SAFB2: variants seen among roughly 807,000 people sequenced by gnomAD.
SAFB2 encodes scaffold attachment factor B2.
A neutral mutation model predicts 100.6 loss-of-function variants in SAFB2; 32 were observed. The ratio of observed to expected loss-of-function variants is 0.32; its 90% CI spans 0.24 to 0.43. The LOEUF (loss-of-function observed/expected upper bound fraction) is 0.43, where lower values mean the gene tolerates loss of function less well. Ranked by LOEUF, SAFB2 falls within the 20% of genes least tolerant of loss-of-function variation. The pLI, the probability that SAFB2 is intolerant of heterozygous loss-of-function variation, is 1.00. For synonymous variants in SAFB2, 500 were observed against 439.4 expected, an observed-to-expected ratio of 1.14 and a Z score of -1.72; for missense variants, 1,185 against 1,163.4, an observed-to-expected ratio of 1.02 and a Z score of -0.27.
intron 2 of SAFB2, among the ~76,000 whole-genome samples, chr19:5,618,339 G>A (rs1424444263): frequency 6.6e-6 from 1 of 152,044 alleles, no homozygotes; most frequent in Non-Finnish European, 1.5e-5. Context: ...TCCAGCCTGG[G>A]CAACAGAGCG....
At position 5,621,306 on chromosome 19, in the gene SAFB2, T is replaced by C. The variant is rs773383438; in HGVS notation, c.274+3A>G. 9 of 1,593,798 alleles carry C rather than the reference T, an allele frequency of 5.6e-6. No individual in the cohort carries two copies. In the African/African-American group the frequency reaches 1.2e-4, roughly 21 times the overall value. Reference sequence around the variant, plus strand: ...CAAGCCCCAAGCAGCATATGTACAATACCTTTAACACATCTCTTGGCTGAC... The same window carrying C: ...CAAGCCCCAAGCAGCATATGTACAACACCTTTAACACATCTCTTGGCTGAC... On this transcript the variant is annotated splice_donor_region_variant and intron_variant, in intron 2 of 20. Transcript: ENST00000252542.
chr19:5,612,341 T>G (rs938475101), intron 6 of SAFB2, 199 bp downstream of exon 6: 6 of 611,072 alleles, frequency 9.8e-6, no homozygotes, highest in Non-Finnish European at 1.7e-5. Context: ...CCAAATGTAT[T>G]TGACCTCAAG....
At position 5,588,289 on chromosome 19, in the gene SAFB2, C is replaced by G. The variant is rs555126566; in HGVS notation, c.2526-309G>C. Among the ~76,000 whole-genome samples, 49 of 152,004 alleles carry G rather than the reference C, an allele frequency of 3.2e-4. No homozygotes were observed. In the South Asian group the frequency reaches 9.4e-3, roughly 29 times the overall value. The stretch of plus-strand genomic sequence containing the variant: ...GGAGGGTGCGAGGAAAGGGAAGAAC[C>G]CTTGTCCACTGCTGGTGGAAATGTA... On this transcript the variant is annotated intron_variant, in intron 18 of 20. Transcript: ENST00000252542.
At chr19:5,591,675 T>C in intron 17 of SAFB2, 73 bp downstream of exon 17, 1 of 1,494,714 alleles carries the variant, frequency 6.7e-7, no homozygotes, top group Admixed American at 1.7e-5. Flanking sequence ...AGCGGCCGCC[T>C]GGCTAGAAAT....
intron 13 of SAFB2, 92 bp downstream of exon 13, chr19:5,598,701 C>G: frequency 1.7e-6 from 2 of 1,195,372 alleles, no homozygotes; most frequent in African/African-American, 1.5e-5. Context: ...ATTTTAAAGG[C>G]AAAACAGTGC....
rs552109123 is a variant in SAFB2, at chr19:5,587,418, A to C, written c.2706-19T>G. 20 of 1,599,998 alleles carry C rather than the reference A, an allele frequency of 1.3e-5. No individual in the cohort carries two copies. The highest frequency in any genetic ancestry group is 1.6e-5 in the Non-Finnish European group (19 of 1,173,028). On this transcript the variant is annotated intron_variant, in intron 20 of 20. Transcript: ENST00000252542. The surrounding 1 kb of genome is among the most constrained non-coding windows in gnomAD (Gnocchi z 4.9). ...GCCTCGCCTAGGAACAAAGTCAGAC[A>C]ATTTTTTTCCCCTTGAAGTGCTCAG...
chr19:5,606,691 C>T (rs796735770), intron 9 of SAFB2, among the ~76,000 whole-genome samples: 6 of 152,214 alleles, frequency 3.9e-5, no homozygotes, highest in African/African-American at 1.4e-4. Context: ...AGAGAAAAGA[C>T]ACAAATTGGT....
intron 11 of SAFB2, among the ~76,000 whole-genome samples, chr19:5,600,694 G>A (rs2052637068): frequency 6.6e-6 from 1 of 152,168 alleles, no homozygotes; most frequent in Admixed American, 6.5e-5. Flanking sequence ...GAGGCACAGT[G>A]GCAGGACACC....
chr19:5,610,594 A>G lies in SAFB2; in HGVS notation c.1195+45T>C, dbSNP rs374989874. The G allele has an allele frequency of 6.4e-4, 909 of 1,417,224 alleles. 10 individuals carry two copies. The South Asian group carries it at 0.01, about 16-fold the overall frequency. The allele number at this position is 1,417,224 out of a possible 1,614,324, so 87.8% of individuals were successfully genotyped here. A position where few individuals can be genotyped will look rare whatever the true frequency, so the allele number is the denominator to read the frequency against. On this transcript the variant is annotated intron_variant, in intron 8 of 20. Transcript: ENST00000252542. ...ATCTCCAGGCCCCTCCTCCCAAAAT[A>G]AGGGAACCATACCTGGCTCCCTACC...
At chr19:5,605,158 G>A (rs111945592) in intron 9 of SAFB2, among the ~76,000 whole-genome samples, 11 of 151,462 alleles carry the variant, frequency 7.3e-5, no homozygotes, top group African/African-American at 2.7e-4. Flanking sequence ...AGGCTGGAGT[G>A]CAGTGTCGCG....
intron 9 of SAFB2, among the ~76,000 whole-genome samples, chr19:5,606,542 G>A (rs1254716064): frequency 2.6e-5 from 4 of 152,094 alleles, no homozygotes; most frequent in Admixed American, 6.5e-5. Context: ...TGAGAGGATC[G>A]CTTGAGCCCG....
chr19:5,617,688 G>A (rs1568232034), intron 2 of SAFB2, among the ~76,000 whole-genome samples: 1 of 152,148 alleles, frequency 6.6e-6, no homozygotes, highest in Non-Finnish European at 1.5e-5. Flanking sequence ...TAGTGATGCT[G>A]GTCACGACCC....
At chr19:5,616,009 G>C in intron 4 of SAFB2, 123 bp downstream of exon 4, 2 of 828,358 alleles carry the variant, frequency 2.4e-6, no homozygotes, top group Non-Finnish European at 3.9e-6. Context: ...TTAACACCAG[G>C]GTGTAGAAGC....
At chr19:5,617,626 G>A (rs2053060066) in intron 2 of SAFB2, among the ~76,000 whole-genome samples, 1 of 152,108 alleles carries the variant, frequency 6.6e-6, no homozygotes, top group Admixed American at 6.6e-5. Flanking sequence ...GGCAATGTCT[G>A]GAGACATTGT....
chr19:5,598,636 ATG>A (rs2052584792), intron 13 of SAFB2, 155 bp downstream of exon 13: 3 of 652,764 alleles, frequency 4.6e-6, no homozygotes. Flanking sequence ...ACCAGGATTC[ATG>A]TGTGTGTCTG....
At chr19:5,617,316 G>A (rs560342240) in intron 2 of SAFB2, among the ~76,000 whole-genome samples, 51 of 151,968 alleles carry the variant, frequency 3.4e-4, no homozygotes, top group African/African-American at 1.2e-3. Flanking sequence ...CCATAAAGTC[G>A]AGAATCATCC....
intron 4 of SAFB2, among the ~76,000 whole-genome samples, chr19:5,614,249 G>T (rs1200511493): frequency 6.6e-6 from 1 of 152,092 alleles, no homozygotes; most frequent in Non-Finnish European, 1.5e-5. Context: ...CACCGCGCCT[G>T]GCCCGCCTAG....
intron 11 of SAFB2, among the ~76,000 whole-genome samples, chr19:5,600,948 A>T (rs2052642453): frequency 6.6e-6 from 1 of 152,114 alleles, no homozygotes; most frequent in Admixed American, 6.5e-5. Flanking sequence ...TAAACTGCAC[A>T]CCGACTCAAC....
In SAFB2 at chr19:5,587,667, T is replaced by C. The variant is rs1226060971; in HGVS notation, c.2705+34A>G. On this transcript the variant is annotated intron_variant, in intron 20 of 20. Coordinates refer to ENST00000252542, the MANE Select transcript of SAFB2 (RefSeq NM_014649.3). The surrounding 1 kb of genome is among the most constrained non-coding windows in gnomAD (Gnocchi z 4.9). Reference sequence around the variant, plus strand: ...AGGGAGAGGAAGTGAGGAGCAGGAGTGAACCACCGTCCTCCACGGACGACA... The same window carrying C: ...AGGGAGAGGAAGTGAGGAGCAGGAGCGAACCACCGTCCTCCACGGACGACA... The C allele has an allele frequency of 3.3e-6, 5 of 1,527,988 alleles. No homozygotes were observed. The highest frequency in any genetic ancestry group is 4.4e-6 in the Non-Finnish European group (5 of 1,135,650). 94.7% of individuals were successfully genotyped at this position (1,527,988 alleles called of 1,614,324 possible). A position where few individuals can be genotyped will look rare whatever the true frequency, so the allele number is the denominator to read the frequency against.
Sources: gnomAD v4.1 joint callset for allele counts (sites outside exome capture counted in the v4.1 genomes callset) on GRCh38, gnomAD v4.1.1 for gene constraint, Gnocchi (gnomAD v3.1) non-coding constraint, MANE v1.5 for transcripts, NCBI Gene and HGNC (gene_info 2026-07-23, HGNC 2026-07-21) for gene names.